HCN2: variants seen among roughly 807,000 people sequenced by gnomAD.
HCN2 encodes the protein potassium/sodium hyperpolarization-activated cyclic nucleotide-gated channel 2.
A neutral mutation model predicts 52.3 loss-of-function variants in HCN2; 20 were observed. That is an observed-to-expected ratio of 0.38 (90% confidence interval 0.27 to 0.56). HCN2 has a LOEUF of 0.56. Ranked by LOEUF, HCN2 falls within the 20% of genes least tolerant of loss-of-function variation. HCN2 has a pLI of 0.71. For synonymous variants in HCN2, 694 were observed against 537.0 expected, an observed-to-expected ratio of 1.29 and a Z score of -4.04; for missense variants, 981 against 1,207.7, an observed-to-expected ratio of 0.81 and a Z score of 2.78.
intron 1 of HCN2, among the ~76,000 whole-genome samples, chr19:594,358 A>G (rs957357042): frequency 1.3e-5 from 2 of 152,004 alleles, no homozygotes; most frequent in Non-Finnish European, 2.9e-5. Flanking sequence ...CCCTCGGTCC[A>G]GTTCCAGGGC....
Position 617,004 on chromosome 19 carries a change from G to A in HCN2, c.*530G>A, listed in dbSNP as rs1983989501. Reference sequence around the variant, plus strand: ...CCTCCAGCACTGGCACCGAGAGGCAGGCCTGGCTGCGCAGGGCGCGGGGGG... The same window carrying A: ...CCTCCAGCACTGGCACCGAGAGGCAAGCCTGGCTGCGCAGGGCGCGGGGGG... On this transcript the variant is annotated 3_prime_UTR_variant, in exon 8 of 8. Coordinates refer to ENST00000251287, the MANE Select transcript of HCN2 (RefSeq NM_001194.4). The A allele has an allele frequency of 4.0e-6, 2 of 493,866 alleles. No homozygotes were observed. The highest frequency in any genetic ancestry group is 3.6e-5 in the East Asian group (1 of 27,598). The allele number at this position is 493,866 out of a possible 1,614,324, so 30.6% of individuals were successfully genotyped here. A position where few individuals can be genotyped will look rare whatever the true frequency, so the allele number is the denominator to read the frequency against.
intron 1 of HCN2, among the ~76,000 whole-genome samples, chr19:595,812 C>A (rs145432806): frequency 6.6e-6 from 1 of 152,238 alleles, no homozygotes; most frequent in East Asian, 1.9e-4. Flanking sequence ...CTGAGAGTGC[C>A]GTCTCCTAAT....
intron 1 of HCN2, among the ~76,000 whole-genome samples, chr19:596,264 C>T (rs912730428): frequency 6.6e-6 from 1 of 152,236 alleles, no homozygotes; most frequent in South Asian, 2.1e-4. Context: ...CCTCAGTTTC[C>T]GTGTCAGAGC....
At chr19:610,081 C>T (rs1483369764) in intron 4 of HCN2, among the ~76,000 whole-genome samples, 178 bp from the exon 5 acceptor site, 4 of 151,730 alleles carry the variant, frequency 2.6e-5, no homozygotes, top group South Asian at 2.1e-4. Context: ...GGTGTGAAGG[C>T]CTATCTCCCC....
chr19:595,949 G>A (rs1480022604), intron 1 of HCN2, among the ~76,000 whole-genome samples: 3 of 152,160 alleles, frequency 2.0e-5, no homozygotes, highest in Admixed American at 2.0e-4. Flanking sequence ...GGGCCTGGCT[G>A]CCCTCGCCCG....
chr19:604,820 GATTTGGGGGGGTCCTGC>G (rs1983360620), intron 2 of HCN2, among the ~76,000 whole-genome samples: 1 of 79,506 alleles, frequency 1.3e-5, no homozygotes. Flanking sequence ...GGGGGCTGTG[GATTTGGGGGGGTCCTGC>G]AGTGAAGGCT....
Position 613,903 on chromosome 19 carries a change from CCTA to C in HCN2, c.1880_1882del (p.Tyr627del). 6.2e-7 allele frequency: 1 copy of C among 1,602,546 alleles called. No homozygotes were observed. The highest frequency in any genetic ancestry group is 8.5e-7 in the Non-Finnish European group (1 of 1,174,514). On this transcript the variant is annotated inframe_deletion, in exon 7 of 8. Coordinates refer to ENST00000251287, the MANE Select transcript of HCN2 (RefSeq NM_001194.4). Reference sequence around the variant, plus strand: ...CGCACGGCGAGCGTGCGGGCTGACACCTACTGCCGCCTCTATTCGCTGAGCGTG... The same window carrying C: ...CGCACGGCGAGCGTGCGGGCTGACACCTGCCGCCTCTATTCGCTGAGCGTG...
chr19:605,435 G>T (rs1983393852), intron 3 of HCN2, among the ~76,000 whole-genome samples: 1 of 68,134 alleles, frequency 1.5e-5, no homozygotes, highest in Non-Finnish European at 2.7e-5. Flanking sequence ...CCTTTCAGAG[G>T]CGGGGACCCA....
In HCN2 at chr19:590,545, G is replaced by T; in HGVS notation, c.600G>T (p.Gly200=). Residue 200 remains glycine (G), a synonymous_variant, in exon 1 of 8, where the codon GGG becomes GGT. Coordinates refer to ENST00000251287, the MANE Select transcript of HCN2 (RefSeq NM_001194.4). This position sits in a 1 kb window ranked among gnomAD's most constrained non-coding sequence, Gnocchi z 7.2. ...AGCAGGAGCGCGTCAAGTCGGCGGG[G>T]GCCTGGATCATCCACCCGTACAGCG... ...EREQERVKSA[G]AWIIHPYSDF... 6.7e-7 allele frequency: 1 copy of T among 1,501,386 alleles called. No homozygotes were observed. Among genetic ancestry groups the T allele is most frequent in the Non-Finnish European group, 9.0e-7 (1 of 1,117,094 alleles). 93.0% of individuals were successfully genotyped at this position (1,501,386 alleles called of 1,614,324 possible). A position where few individuals can be genotyped will look rare whatever the true frequency, so the allele number is the denominator to read the frequency against.
In HCN2 at chr19:613,481, C is replaced by T. The variant is rs764626122; in HGVS notation, c.1818C>T (p.Tyr606=). 9 of 1,557,576 alleles carry T rather than the reference C, an allele frequency of 5.8e-6. No homozygotes were observed. In the South Asian group the frequency reaches 1.0e-4, roughly 17 times the overall value. The change falls in exon 6 of 8, where the codon TAC becomes TAT. Residue 606 remains tyrosine (Y), a synonymous_variant. Coordinates refer to ENST00000251287, the MANE Select transcript of HCN2 (RefSeq NM_001194.4). ...NKEMKLSDGS[Y]FGEICLLTRG... ...AGATGAAGCTGTCCGATGGCTCCTA[C>T]TTCGGGGGTGAGCTTGAGGGGGGCG...
At chr19:601,521 G>T (rs1983200461) in intron 1 of HCN2, among the ~76,000 whole-genome samples, 1 of 146,734 alleles carries the variant, frequency 6.8e-6, no homozygotes, top group African/African-American at 2.5e-5. Flanking sequence ...TGTGAACACA[G>T]CGGAGTGGTC....
chr19:613,698 T>TGGGGCCGGGGCC (rs1339962471), intron 6 of HCN2, among the ~76,000 whole-genome samples, 154 bp from the exon 7 acceptor site: 2 of 16,266 alleles, frequency 1.2e-4, no homozygotes, highest in African/African-American at 5.2e-4. Context: ...GGGCCGGGGA[T>TGGGGCCGGGGCC]GGGGCCGGGG....
At position 616,024 on chromosome 19, in the gene HCN2, G is replaced by C. The variant is rs765394313; in HGVS notation, c.2220G>C (p.Pro740=). ...LQQAAAMSFC[P]QVARPLVGPL... ...AGGCGGCGGCCATGAGCTTCTGCCC[G>C]CAGGTGGCGCGGCCGCTCGTGGGGC... Residue 740 remains proline (P), a synonymous_variant, in exon 8 of 8, where the codon CCG becomes CCC. Coordinates refer to ENST00000251287, the MANE Select transcript of HCN2 (RefSeq NM_001194.4). 1 of 1,356,206 alleles carries C rather than the reference G, an allele frequency of 7.4e-7. No individual in the cohort carries two copies. Among genetic ancestry groups the C allele is most frequent in the Non-Finnish European group, 9.4e-7 (1 of 1,060,450 alleles). The allele number at this position is 1,356,206 out of a possible 1,614,324, so 84.0% of individuals were successfully genotyped here.
intron 5 of HCN2, among the ~76,000 whole-genome samples, chr19:612,716 TA>T (rs1157377410): frequency 2.0e-5 from 3 of 147,460 alleles, no homozygotes; most frequent in Non-Finnish European, 4.5e-5. Flanking sequence ...CGCCCGGCCT[TA>T]TTTTTCCCCC....
At position 616,486 on chromosome 19, in the gene HCN2, C is replaced by G. The variant is rs1470177674; in HGVS notation, c.*12C>G. On this transcript the variant is annotated 3_prime_UTR_variant, in exon 8 of 8. Coordinates refer to ENST00000251287, the MANE Select transcript of HCN2 (RefSeq NM_001194.4). Reference sequence around the variant, plus strand: ...CGTCCAACTTGTGACCCTCGCCGACCGCCCCGCGGGCCCAGGCGGGCCGGG... The same window carrying G: ...CGTCCAACTTGTGACCCTCGCCGACGGCCCCGCGGGCCCAGGCGGGCCGGG... The G allele has an allele frequency of 2.5e-6, 3 of 1,216,668 alleles. No individual in the cohort carries two copies. Among genetic ancestry groups the G allele is most frequent in the African/African-American group, 1.6e-5 (1 of 61,378 alleles). 75.4% of individuals were successfully genotyped at this position (1,216,668 alleles called of 1,614,324 possible).
At chr19:607,592 G>A (rs1983465093) in intron 3 of HCN2, among the ~76,000 whole-genome samples, 1 of 152,186 alleles carries the variant, frequency 6.6e-6, no homozygotes, top group Non-Finnish European at 1.5e-5. Context: ...GGGCCGGCCT[G>A]GTGTCTCTGC....
At position 615,922 on chromosome 19, in the gene HCN2, G is replaced by C. The variant is rs1448460287; in HGVS notation, c.2118G>C (p.Glu706Asp). Reference sequence around the variant, plus strand: ...ACCGCGAGATGGTGCAGCAGGCCGAGCTGGGTCAGCGCGTGGGCCTCTTCC... The same window carrying C: ...ACCGCGAGATGGTGCAGCAGGCCGACCTGGGTCAGCGCGTGGGCCTCTTCC... ...KYDREMVQQA[E>D]LGQRVGLFPP... The change falls in exon 8 of 8, where the codon GAG becomes GAC. Residue 706 changes from glutamate (E) to aspartate (D), a missense_variant. Coordinates refer to ENST00000251287, the MANE Select transcript of HCN2 (RefSeq NM_001194.4). The C allele has an allele frequency of 6.2e-7, 1 of 1,611,696 alleles. No homozygotes were observed. Among genetic ancestry groups the C allele is most frequent in the African/African-American group, 1.3e-5 (1 of 75,020 alleles).
At chr19:615,692 C>T (rs1199571388) in intron 7 of HCN2, 103 bp from the exon 8 acceptor site, 39 of 1,077,624 alleles carry the variant, frequency 3.6e-5, no homozygotes, top group African/African-American at 6.3e-5. Context: ...TTGCTCTACA[C>T]GGCAAGCACT....
intron 1 of HCN2, among the ~76,000 whole-genome samples, chr19:599,065 C>T (rs929979771): frequency 6.6e-6 from 1 of 152,266 alleles, no homozygotes; most frequent in Non-Finnish European, 1.5e-5. Flanking sequence ...ACTGTGCCAG[C>T]AGGCGGGTGC....
Sources: gnomAD v4.1 joint callset for allele counts (sites outside exome capture counted in the v4.1 genomes callset) on GRCh38, gnomAD v4.1.1 for gene constraint, Gnocchi (gnomAD v3.1) non-coding constraint, MANE v1.5 for transcripts, NCBI Gene and HGNC (gene_info 2026-07-23, HGNC 2026-07-21) for gene names.